The following ALK variants were observed in gnomAD, a reference collection of about 807,000 sequenced individuals.
The protein encoded by ALK is ALK receptor tyrosine kinase.
A neutral mutation model predicts 163.1 loss-of-function variants in ALK; 74 were observed. The ratio of observed to expected loss-of-function variants is 0.45; its 90% confidence interval spans 0.38 to 0.55. The LOEUF (loss-of-function observed/expected upper bound fraction) is 0.55, where lower values mean the gene tolerates loss of function less well. ALK is among the 20% of genes least tolerant of loss of function. The pLI is 0.00. For synonymous variants in ALK, 960 were observed against 843.2 expected (o/e 1.14, Z -2.40); for missense variants, 2,063 against 2,105.3 (o/e 0.98, Z 0.39).
chr2:29,624,005 T>C (rs1424280734), intron 3 of ALK, among the ~76,000 whole-genome samples: 1 of 152,230 alleles, frequency 6.6e-6, no homozygotes, highest in African/African-American at 2.4e-5. Flanking sequence ...GAAACTGTAT[T>C]TCTGCTCATG....
intron 4 of ALK, among the ~76,000 whole-genome samples, chr2:29,494,028 G>T (rs905822007): frequency 1.3e-5 from 2 of 152,230 alleles, no homozygotes; most frequent in African/African-American, 4.8e-5. Context: ...CAGGCAGGTT[G>T]CTCAGTGTCT....
chr2:29,338,356 T>A (rs1667687731), intron 5 of ALK, among the ~76,000 whole-genome samples: 1 of 152,182 alleles, frequency 6.6e-6, no homozygotes, highest in African/African-American at 2.4e-5. Context: ...TCCTTTTTGG[T>A]CCTAATCTTA....
intron 5 of ALK, among the ~76,000 whole-genome samples, chr2:29,341,518 G>A (rs1461270340): frequency 1.3e-5 from 2 of 152,240 alleles, no homozygotes; most frequent in African/African-American, 2.4e-5. Flanking sequence ...GGAAGGCTAA[G>A]GAGGGAGGAT....
In ALK at chr2:29,328,373, C is replaced by A. The variant is rs771689864; in HGVS notation, c.1391G>T (p.Gly464Val). Residue 464 changes from glycine to valine, a missense_variant, in exon 6 of 29, where the codon GGA becomes GTA. Physicochemically the swap from Gly to Val is moderately radical, Grantham distance 109. Around this residue, in one of 5 missense-constraint regions of ALK, gnomAD observed 987 missense variants for 939.5 expected, o/e 1.05. Coordinates refer to ENST00000389048, the MANE Select transcript of ALK (RefSeq NM_004304.5). ...ACGGCACATCTGGCTCTCATCTTCT[C>A]CCTGGGCACAGTCCTGGTGGAAGTC... The part of the protein sequence containing the change: ...ACDFHQDCAQ[G>V]EDESQMCRKL... The A allele has an allele frequency of 1.9e-6, 3 of 1,614,066 alleles. No homozygotes were observed. Among genetic ancestry groups the A allele is most frequent in the South Asian group, 2.2e-5 (2 of 91,088 alleles).
At chr2:29,855,731 A>G (rs1666122162) in intron 1 of ALK, among the ~76,000 whole-genome samples, 1 of 152,144 alleles carries the variant, frequency 6.6e-6, no homozygotes, top group South Asian at 2.1e-4. Context: ...ACAGACGGAG[A>G]CCTTGCCCAT....
chr2:29,916,393 T>C (rs919360983), intron 1 of ALK, among the ~76,000 whole-genome samples: 1 of 152,228 alleles, frequency 6.6e-6, no homozygotes, highest in Non-Finnish European at 1.5e-5. Context: ...CATATATATT[T>C]AATTCTTTTC....
chr2:29,507,687 G>A (rs746569984), intron 4 of ALK, among the ~76,000 whole-genome samples: 3 of 152,108 alleles, frequency 2.0e-5, no homozygotes, highest in African/African-American at 2.4e-5. Context: ...GGTTTAGGAG[G>A]GATTAGGATG....
At chr2:29,720,644 G>T (rs952695333) in intron 1 of ALK, among the ~76,000 whole-genome samples, 2 of 152,190 alleles carry the variant, frequency 1.3e-5, no homozygotes, top group African/African-American at 4.8e-5. Flanking sequence ...ATGAGTGCTA[G>T]TCAAAGTTCA....
chr2:29,268,337 G>A (rs926517759), intron 11 of ALK, among the ~76,000 whole-genome samples: 1 of 152,218 alleles, frequency 6.6e-6, no homozygotes, highest in African/African-American at 2.4e-5. Context: ...AATTTGCAAT[G>A]CACCATCTAG....
chr2:29,312,190 C>A (rs919943344), intron 8 of ALK, among the ~76,000 whole-genome samples: 7 of 152,090 alleles, frequency 4.6e-5, no homozygotes, highest in Non-Finnish European at 8.8e-5. Flanking sequence ...AGAATCATCA[C>A]TAAAGTCAGA....
intron 1 of ALK, among the ~76,000 whole-genome samples, chr2:29,762,368 T>C (rs930893706): frequency 6.6e-6 from 1 of 152,240 alleles, no homozygotes; most frequent in Non-Finnish European, 1.5e-5. Flanking sequence ...AATTATCTCA[T>C]GATCTCCCTT....
At position 29,275,159 on chromosome 2, in the gene ALK, T is replaced by A; in HGVS notation, c.1981A>T (p.Asn661Tyr). ...TTTTCCCCGGGTTTCAGCTCCTTGT[T>A]TGGGTTTCTCTCAAACAGGTTTCTT... The part of the protein sequence containing the change: ...KSRNLFERNP[N>Y]KELKPGENSP... The change falls in exon 11 of 29, where the codon AAC becomes TAC. Residue 661 changes from asparagine (N) to tyrosine (Y), a missense_variant. This residue lies in a region of ALK where 987 missense variants were observed against 939.5 expected (regional missense o/e 1.05). Transcript: ENST00000389048. The A allele has an allele frequency of 6.2e-7, 1 of 1,614,200 alleles. No individual in the cohort carries two copies. The highest frequency in any genetic ancestry group is 8.5e-7 in the Non-Finnish European group (1 of 1,180,038).
chr2:29,735,185 G>A (rs1679856679), intron 1 of ALK, among the ~76,000 whole-genome samples: 1 of 151,132 alleles, frequency 6.6e-6, no homozygotes, highest in Admixed American at 6.6e-5. Context: ...TGAGGCAAGA[G>A]AAAGCCCTAC....
intron 4 of ALK, among the ~76,000 whole-genome samples, chr2:29,516,517 T>C (rs1672670747): frequency 6.6e-6 from 1 of 152,180 alleles, no homozygotes; most frequent in South Asian, 2.1e-4. Context: ...TCCCTGTGCA[T>C]CTGGCATGTC....
Position 29,201,658 on chromosome 2 carries a change from G to A in ALK, c.3939-3982C>T, listed in dbSNP as rs188340887. Among the ~76,000 whole-genome samples the A allele has an allele frequency of 3.8e-3, 582 of 152,006 alleles. 1 individual carries two copies. The highest frequency in any genetic ancestry group is 6.5e-3 in the Non-Finnish European group (441 of 67,984). On this transcript the variant is annotated intron_variant, in intron 26 of 28. Coordinates refer to ENST00000389048, the MANE Select transcript of ALK (RefSeq NM_004304.5). Reference sequence around the variant, plus strand: ...AAAAATTAGCTGGGTGTGGTAGCACGCGTCTGTAATCCCAGCTACTTGGGA... The same window carrying A: ...AAAAATTAGCTGGGTGTGGTAGCACACGTCTGTAATCCCAGCTACTTGGGA...
intron 3 of ALK, among the ~76,000 whole-genome samples, chr2:29,578,630 C>T (rs1674592176): frequency 6.6e-6 from 1 of 152,196 alleles, no homozygotes; most frequent in Non-Finnish European, 1.5e-5. Context: ...ACTAGAACCA[C>T]CATACCCTGT....
chr2:29,582,451 G>T (rs973022661), intron 3 of ALK, among the ~76,000 whole-genome samples: 1 of 152,152 alleles, frequency 6.6e-6, no homozygotes, highest in Admixed American at 6.5e-5. Context: ...TAAAATTGGG[G>T]TCTCGGGATT....
intron 8 of ALK, among the ~76,000 whole-genome samples, chr2:29,309,309 C>A (rs1219358994): frequency 1.3e-5 from 2 of 152,064 alleles, no homozygotes; most frequent in Non-Finnish European, 2.9e-5. Flanking sequence ...CTAGTGGGAG[C>A]CAGAGAGGTC....
chr2:29,243,792 A>G (rs1469980836), intron 12 of ALK, among the ~76,000 whole-genome samples: 1 of 152,232 alleles, frequency 6.6e-6, no homozygotes, highest in Non-Finnish European at 1.5e-5. Context: ...ATGGTTGAGA[A>G]ACAACAAGAA....
Sources: allele counts gnomAD v4.1 joint callset (sites outside exome capture counted in the v4.1 genomes callset), GRCh38; gene constraint gnomAD v4.1.1; regional missense constraint gnomAD v4.1.1; transcripts MANE v1.5; gene names NCBI Gene and HGNC (gene_info 2026-07-23, HGNC 2026-07-21).